Variants in CCSER1 observed in about 807,000 individuals in gnomAD.
CCSER1 encodes serine-rich coiled-coil domain-containing protein 1.
CCSER1 carries 41 observed loss-of-function variants against 82.0 expected under a neutral mutation model. That is an observed-to-expected ratio of 0.50 (90% CI 0.39 to 0.65). The LOEUF (loss-of-function observed/expected upper bound fraction) is 0.65, where lower values mean the gene tolerates loss of function less well. Ranked by LOEUF, CCSER1 falls within the 30% of genes least tolerant of loss-of-function variation. The pLI is 0.00. For synonymous variants in CCSER1, 414 were observed against 383.9 expected, an observed-to-expected ratio of 1.08 and a Z score of -0.92; for missense variants, 1,119 against 1,064.2, an observed-to-expected ratio of 1.05 and a Z score of -0.72.
chr4:90,958,573 G>T (rs1228065090), intron 9 of CCSER1, among the ~76,000 whole-genome samples: 1 of 151,848 alleles, frequency 6.6e-6, no homozygotes, highest in African/African-American at 2.4e-5. Context: ...CCAGTGTGAT[G>T]GCTGCAGCCC....
At chr4:91,116,255 G>A (rs530944909) in intron 10 of CCSER1, among the ~76,000 whole-genome samples, 2 of 152,230 alleles carry the variant, frequency 1.3e-5, no homozygotes, top group Admixed American at 6.5e-5. Context: ...AAAAAATGAC[G>A]AGTTCATGTC....
At chr4:90,196,319 C>T (rs1388902657) in intron 1 of CCSER1, among the ~76,000 whole-genome samples, 2 of 151,952 alleles carry the variant, frequency 1.3e-5, no homozygotes. Context: ...TACTTAGAGT[C>T]TGTAACGTAC....
chr4:91,341,620 C>A (rs984778418), intron 10 of CCSER1, among the ~76,000 whole-genome samples: 1 of 152,052 alleles, frequency 6.6e-6, no homozygotes, highest in African/African-American at 2.4e-5. Context: ...TGTGCCATGT[C>A]GGCTCACTGC....
chr4:90,332,532 G>A (rs776553199), intron 3 of CCSER1, among the ~76,000 whole-genome samples: 2 of 151,934 alleles, frequency 1.3e-5, no homozygotes, highest in Admixed American at 6.6e-5. Flanking sequence ...CACCATACCC[G>A]GCTATTTTTA....
chr4:90,880,360 G>T (rs567662632), intron 8 of CCSER1, among the ~76,000 whole-genome samples: 3 of 152,280 alleles, frequency 2.0e-5, no homozygotes, highest in African/African-American at 2.4e-5. Flanking sequence ...AGTGCAGTCA[G>T]CCCAGGATGG....
intron 10 of CCSER1, among the ~76,000 whole-genome samples, chr4:91,105,883 T>G (rs901640638): frequency 4.0e-5 from 6 of 150,250 alleles, no homozygotes; most frequent in Admixed American, 1.3e-4. Flanking sequence ...ACGGTTTTTG[T>G]TTTTTTTTCA....
At chr4:90,583,389 C>T (rs1211014673) in intron 5 of CCSER1, among the ~76,000 whole-genome samples, 1 of 152,136 alleles carries the variant, frequency 6.6e-6, no homozygotes, top group Non-Finnish European at 1.5e-5. Context: ...TGGCCTCGAA[C>T]TCCTGACCTC....
intron 5 of CCSER1, among the ~76,000 whole-genome samples, chr4:90,504,935 GC>G (rs1171002127): frequency 2.6e-5 from 4 of 152,088 alleles, no homozygotes; most frequent in Admixed American, 2.0e-4. Flanking sequence ...TGCACCAAAT[GC>G]CAAAAACTGA....
At chr4:90,943,512 G>C (rs756174003) in intron 9 of CCSER1, among the ~76,000 whole-genome samples, 1 of 151,862 alleles carries the variant, frequency 6.6e-6, no homozygotes, top group African/African-American at 2.4e-5. Context: ...AAAACTTTAC[G>C]CAATATACTA....
At chr4:90,852,338 A>C (rs1297949116) in intron 8 of CCSER1, among the ~76,000 whole-genome samples, 1 of 152,152 alleles carries the variant, frequency 6.6e-6, no homozygotes, top group African/African-American at 2.4e-5. Flanking sequence ...GGAAATCTAC[A>C]CTGTACAGTG....
intron 1 of CCSER1, among the ~76,000 whole-genome samples, chr4:90,241,733 G>A (rs1158302166): frequency 1.3e-5 from 2 of 152,122 alleles, no homozygotes; most frequent in African/African-American, 2.4e-5. Context: ...CAGATAAATT[G>A]TTAGCAATTA....
At chr4:90,324,240 G>A (rs1194697450) in intron 3 of CCSER1, among the ~76,000 whole-genome samples, 5 of 152,228 alleles carry the variant, frequency 3.3e-5, no homozygotes, top group East Asian at 1.9e-4. Flanking sequence ...CTGAGGAATC[G>A]CCACACTGAC....
At chr4:91,309,731 T>A (rs1745325751) in intron 10 of CCSER1, among the ~76,000 whole-genome samples, 1 of 152,028 alleles carries the variant, frequency 6.6e-6, no homozygotes, top group Non-Finnish European at 1.5e-5. Flanking sequence ...TTCATTCTTT[T>A]CATGTATATA....
At position 91,195,274 on chromosome 4, in the gene CCSER1, G is replaced by A. The variant is rs533933462; in HGVS notation, c.2217+109280G>A. ...CATGGGGAGGCAGCTATCATTGGATGTGCTCTGCCGAAACTTGTAGTCAAC... is the reference window on the plus strand; with the variant it reads ...CATGGGGAGGCAGCTATCATTGGATATGCTCTGCCGAAACTTGTAGTCAAC... On this transcript the variant is annotated intron_variant, in intron 10 of 10. Coordinates refer to ENST00000509176, the MANE Select transcript of CCSER1 (RefSeq NM_001145065.2). Among the ~76,000 whole-genome samples, 17 of 152,300 alleles carry A rather than the reference G, an allele frequency of 1.1e-4. No individual in the cohort carries two copies. In the South Asian group the frequency reaches 3.1e-3, roughly 28 times the overall value.
intron 9 of CCSER1, among the ~76,000 whole-genome samples, chr4:90,960,176 AT>A (rs573889440): frequency 1.3e-5 from 2 of 151,556 alleles, no homozygotes; most frequent in Non-Finnish European, 2.9e-5. Context: ...TTAATCATTC[AT>A]TTTTTTTAAA....
intron 1 of CCSER1, among the ~76,000 whole-genome samples, chr4:90,250,750 G>A (rs1722242336): frequency 6.6e-6 from 1 of 152,054 alleles, no homozygotes; most frequent in African/African-American, 2.4e-5. Context: ...ATTTTAAAAA[G>A]GCAGTTGGGA....
chr4:90,228,806 G>A (rs928355991), intron 1 of CCSER1, among the ~76,000 whole-genome samples: 7 of 152,286 alleles, frequency 4.6e-5, no homozygotes, highest in African/African-American at 1.4e-4. Flanking sequence ...ACCAAGGCTC[G>A]AGAACTACGT....
chr4:90,654,678 G>A (rs752446627), intron 6 of CCSER1, among the ~76,000 whole-genome samples: 1 of 151,838 alleles, frequency 6.6e-6, no homozygotes, highest in Non-Finnish European at 1.5e-5. Context: ...TTTATTGTAC[G>A]CCTAACCCTC....
chr4:91,311,447 T>G lies in CCSER1; in HGVS notation c.2217+225453T>G, dbSNP rs542097146. Among the ~76,000 whole-genome samples the G allele has an allele frequency of 7.9e-5, 12 of 151,992 alleles. No homozygotes were observed. The South Asian group carries it at 8.3e-4, about 10-fold the overall frequency. On this transcript the variant is annotated intron_variant, in intron 10 of 10. Coordinates refer to ENST00000509176, the MANE Select transcript of CCSER1 (RefSeq NM_001145065.2). ...TTGACATAGATTTTTTTCCTAATAG[T>G]AGATGCTAATAGAGACAATATTTTT...
Sources: allele counts gnomAD v4.1 joint callset (sites outside exome capture counted in the v4.1 genomes callset), GRCh38; gene constraint gnomAD v4.1.1; transcripts MANE v1.5; gene names NCBI Gene and HGNC (gene_info 2026-07-23, HGNC 2026-07-21).